EXOC6B: variants seen among roughly 807,000 people sequenced by gnomAD.
The protein encoded by EXOC6B is exocyst complex component 6B.
In EXOC6B, 54 loss-of-function variants were observed where a neutral mutation model predicts 113.5. The observed-to-expected ratio is 0.48, with a 90% CI of 0.38 to 0.60. EXOC6B has a LOEUF of 0.60. Ranked by LOEUF, EXOC6B falls within the 20% of genes least tolerant of loss-of-function variation. The pLI is 0.00. For synonymous variants in EXOC6B, 357 were observed against 339.0 expected (o/e 1.05, Z -0.58); for missense variants, 797 against 977.5 (o/e 0.82, Z 2.46).
At chr2:72,611,203 A>G (rs10167988) in intron 6 of EXOC6B, among the ~76,000 whole-genome samples, 4,383 of 152,252 alleles carry the variant, frequency 0.029, 213 homozygotes, top group African/African-American at 0.099. Flanking sequence ...CTCTACTAAA[A>G]AATACAAAAA....
intron 20 of EXOC6B, among the ~76,000 whole-genome samples, chr2:72,224,502 A>G (rs1681075877): frequency 6.6e-6 from 1 of 152,204 alleles, no homozygotes; most frequent in South Asian, 2.1e-4. Context: ...CACACTAAAT[A>G]AATGGATTTC....
At chr2:72,212,731 T>C (rs1201373575) in intron 20 of EXOC6B, among the ~76,000 whole-genome samples, 1 of 152,246 alleles carries the variant, frequency 6.6e-6, no homozygotes, top group East Asian at 1.9e-4. Flanking sequence ...TTATGTTCTC[T>C]ATCTCCACTA....
At chr2:72,633,359 G>T (rs940209171) in intron 6 of EXOC6B, among the ~76,000 whole-genome samples, 1 of 152,114 alleles carries the variant, frequency 6.6e-6, no homozygotes, top group African/African-American at 2.4e-5. Flanking sequence ...GTATGTTGTT[G>T]TTGTTGTTGT....
At position 72,285,143 on chromosome 2, in the gene EXOC6B, C is replaced by T. The variant is rs913433659; in HGVS notation, c.2196+49804G>A. Among the ~76,000 whole-genome samples, 10 of 152,002 alleles carry T rather than the reference C, an allele frequency of 6.6e-5. No homozygotes were observed. In the South Asian group the frequency reaches 1.9e-3, roughly 28 times the overall value. ...TGATTCTAAAGTTTATATGAAGAGG[C>T]AATATATCCAGAATAGCCAACACAA... On this transcript the variant is annotated intron_variant, in intron 20 of 21. Coordinates refer to ENST00000272427, the MANE Select transcript of EXOC6B (RefSeq NM_015189.3).
intron 8 of EXOC6B, among the ~76,000 whole-genome samples, chr2:72,557,422 C>A (rs1485510827): frequency 1.8e-4 from 27 of 149,698 alleles, no homozygotes; most frequent in Non-Finnish European, 1.5e-5. Context: ...ATTCAATCTA[C>A]ATTTGGCTTC....
At chr2:72,395,295 CCTGA>C (rs1327828841) in intron 18 of EXOC6B, among the ~76,000 whole-genome samples, 2 of 152,092 alleles carry the variant, frequency 1.3e-5, no homozygotes, top group Admixed American at 6.5e-5. Context: ...ATGGTAGACG[CCTGA>C]CTGTCTGCCA....
At chr2:72,285,050 C>T (rs1307810973) in intron 20 of EXOC6B, among the ~76,000 whole-genome samples, 5 of 152,078 alleles carry the variant, frequency 3.3e-5, no homozygotes, top group African/African-American at 1.2e-4. Context: ...TTCTTTCCAA[C>T]TTGATCTATA....
intron 6 of EXOC6B, among the ~76,000 whole-genome samples, chr2:72,672,593 G>C (rs1242657447): frequency 6.6e-6 from 1 of 151,210 alleles, no homozygotes; most frequent in Admixed American, 6.6e-5. Context: ...AAAAGAAAAC[G>C]TGGTATATAT....
At chr2:72,811,583 C>G (rs1324988179) in intron 1 of EXOC6B, among the ~76,000 whole-genome samples, 1 of 152,138 alleles carries the variant, frequency 6.6e-6, no homozygotes, top group Non-Finnish European at 1.5e-5. Context: ...GTTACTATTA[C>G]TCTATCAAAA....
At chr2:72,367,896 G>C (rs1230086739) in intron 19 of EXOC6B, among the ~76,000 whole-genome samples, 2 of 152,190 alleles carry the variant, frequency 1.3e-5, no homozygotes. Flanking sequence ...GTCAGAACTT[G>C]AGCTCTCAGC....
intron 6 of EXOC6B, among the ~76,000 whole-genome samples, chr2:72,577,947 T>G (rs1407667820): frequency 6.6e-6 from 1 of 152,056 alleles, no homozygotes; most frequent in East Asian, 1.9e-4. Flanking sequence ...AGTTGTTCAT[T>G]CTATTTGTAA....
At chr2:72,359,489 C>T (rs1690172616) in intron 19 of EXOC6B, among the ~76,000 whole-genome samples, 1 of 152,060 alleles carries the variant, frequency 6.6e-6, no homozygotes, top group Non-Finnish European at 1.5e-5. Context: ...TTCCAGCCTC[C>T]AGAACTATAG....
rs193217756 is a variant in EXOC6B, at chr2:72,457,255, G to A, written c.1980+7905C>T. 6.6e-5 allele frequency among the ~76,000 whole-genome samples: 10 copies of A among 152,154 alleles called. No homozygotes were observed. The East Asian group carries it at 1.5e-3, about 24-fold the overall frequency. On this transcript the variant is annotated intron_variant, in intron 18 of 21. Coordinates refer to ENST00000272427, the MANE Select transcript of EXOC6B (RefSeq NM_015189.3). ...ACTAGCAGCATAATTTGGTTAGGTCGGAGATGGCAGCAATTCCTGGAAATA... is the reference window on the plus strand; with the variant it reads ...ACTAGCAGCATAATTTGGTTAGGTCAGAGATGGCAGCAATTCCTGGAAATA...
intron 6 of EXOC6B, among the ~76,000 whole-genome samples, chr2:72,685,592 G>A (rs182280876): frequency 1.5e-4 from 23 of 152,254 alleles, no homozygotes; most frequent in Non-Finnish European, 3.1e-4. Flanking sequence ...CCCTTTAGGG[G>A]AGTCTGCCAC....
rs144175695 is a variant in EXOC6B, at chr2:72,255,380, T to C, written c.2197-71193A>G. ...AAGCTACTTAGCTGCAAATATATAC[T>C]ACCCTTTAAGAAAAGGAAAGGATGA... On this transcript the variant is annotated intron_variant, in intron 20 of 21. Transcript: ENST00000272427. Among the ~76,000 whole-genome samples, 168 of 152,316 alleles carry C rather than the reference T, an allele frequency of 1.1e-3. 1 individual carries two copies. The highest frequency in any genetic ancestry group is 6.8e-3 in the Middle Eastern group (2 of 294).
At chr2:72,335,445 C>A (rs1046647774) in intron 19 of EXOC6B, among the ~76,000 whole-genome samples, 1 of 151,964 alleles carries the variant, frequency 6.6e-6, no homozygotes, top group African/African-American at 2.4e-5. Flanking sequence ...TCTAATTTCA[C>A]GCTTGTCACC....
intron 6 of EXOC6B, among the ~76,000 whole-genome samples, chr2:72,697,542 G>A (rs560919402): frequency 6.6e-6 from 1 of 151,884 alleles, no homozygotes; most frequent in East Asian, 1.9e-4. Flanking sequence ...AAATTAGCCG[G>A]GCATGGTGGT....
At chr2:72,279,590 C>A (rs1558516278) in intron 20 of EXOC6B, among the ~76,000 whole-genome samples, 1 of 152,038 alleles carries the variant, frequency 6.6e-6, no homozygotes, top group Non-Finnish European at 1.5e-5. Context: ...ATTGAAATAG[C>A]AGAAAAAGTG....
At chr2:72,470,616 C>A (rs557757932) in intron 17 of EXOC6B, among the ~76,000 whole-genome samples, 1 of 150,240 alleles carries the variant, frequency 6.7e-6, no homozygotes, top group African/African-American at 2.5e-5. Context: ...ATCCCTCCCC[C>A]CTCCCCCTAC....
Sources: allele counts gnomAD v4.1 joint callset (sites outside exome capture counted in the v4.1 genomes callset), GRCh38; gene constraint gnomAD v4.1.1; transcripts MANE v1.5; gene names NCBI Gene and HGNC (gene_info 2026-07-23, HGNC 2026-07-21).